The following SRBD1 variants were observed in gnomAD, a reference collection of about 807,000 sequenced individuals.
SRBD1 encodes the protein S1 RNA binding domain 1, also known as S1 RNA-binding domain-containing protein 1.
In SRBD1, 88 loss-of-function variants were observed where a neutral mutation model predicts 115.3. The ratio of observed to expected loss-of-function variants is 0.76; its 90% CI spans 0.64 to 0.91. SRBD1 has a LOEUF of 0.91. Among genes scored for constraint, SRBD1 ranks in the 40% least tolerant of loss-of-function variants. The pLI is 0.00. For synonymous variants in SRBD1, 509 were observed against 407.7 expected, an observed-to-expected ratio of 1.25 and a Z score of -2.99; for missense variants, 1,385 against 1,177.4, an observed-to-expected ratio of 1.18 and a Z score of -2.58.
intron 16 of SRBD1, among the ~76,000 whole-genome samples, chr2:45,464,837 AAAGT>A (rs889785127): frequency 3.9e-5 from 6 of 152,222 alleles, no homozygotes; most frequent in African/African-American, 1.4e-4. Context: ...AAAAGTATAA[AAAGT>A]AAGTTGTATG....
At chr2:45,416,387 C>T (rs1293772591) in intron 18 of SRBD1, among the ~76,000 whole-genome samples, 1 of 152,122 alleles carries the variant, frequency 6.6e-6, no homozygotes, top group Non-Finnish European at 1.5e-5. Flanking sequence ...ATGTAACAGT[C>T]ACAAATCTTC....
At chr2:45,410,230 C>A (rs1269436630) in intron 19 of SRBD1, among the ~76,000 whole-genome samples, 1 of 152,134 alleles carries the variant, frequency 6.6e-6, no homozygotes, top group East Asian at 1.9e-4. Context: ...TAAAAACAAC[C>A]ATCACCACCT....
chr2:45,601,776 G>A lies in SRBD1; in HGVS notation c.261+127C>T, dbSNP rs1414720477. 5.6e-6 allele frequency: 7 copies of A among 1,242,318 alleles called. No individual in the cohort carries two copies. In the African/African-American group the frequency reaches 9.0e-5, roughly 16 times the overall value. 77.0% of individuals were successfully genotyped at this position (1,242,318 alleles called of 1,614,324 possible). On this transcript the variant is annotated intron_variant, in intron 3 of 20. Coordinates refer to ENST00000263736, the MANE Select transcript of SRBD1 (RefSeq NM_018079.5). ...TACAGACCCAAAAATTAAGACCCAG[G>A]GTAGGGGATGCCATTGCTGGCAGTT...
chr2:45,423,654 A>C (rs1384269566), intron 16 of SRBD1, among the ~76,000 whole-genome samples: 5 of 152,134 alleles, frequency 3.3e-5, no homozygotes, highest in Non-Finnish European at 7.4e-5. Context: ...AAACTCTTTA[A>C]AAAAACAGAA....
rs562213527 is a variant in SRBD1, at chr2:45,602,111, C to A, written c.81-28G>T. 118 of 1,569,918 alleles carry A rather than the reference C, an allele frequency of 7.5e-5. 1 individual carries two copies. In the South Asian group the frequency reaches 1.3e-3, roughly 17 times the overall value. ...AGAAGTAAATCAACAGAATAATCTCCAGGAAAAATAAAAGCAAATGTCAAA... is the reference window on the plus strand; with the variant it reads ...AGAAGTAAATCAACAGAATAATCTCAAGGAAAAATAAAAGCAAATGTCAAA... On this transcript the variant is annotated intron_variant, in intron 2 of 20. Transcript: ENST00000263736.
intron 7 of SRBD1, among the ~76,000 whole-genome samples, chr2:45,577,489 C>T (rs1043438623): frequency 6.6e-6 from 1 of 152,190 alleles, no homozygotes; most frequent in Non-Finnish European, 1.5e-5. Flanking sequence ...TTTTCACTTT[C>T]TCCGCACTTA....
At chr2:45,526,873 A>G (rs1417865093) in intron 14 of SRBD1, among the ~76,000 whole-genome samples, 4 of 151,906 alleles carry the variant, frequency 2.6e-5, no homozygotes, top group African/African-American at 9.7e-5. Context: ...TTATTAACAC[A>G]AAACTCAAGA....
intron 20 of SRBD1, among the ~76,000 whole-genome samples, chr2:45,390,066 G>A (rs1302604660): frequency 6.6e-6 from 1 of 152,110 alleles, no homozygotes; most frequent in Non-Finnish European, 1.5e-5. Context: ...TTGGCCAAAT[G>A]TGGATGAAAT....
In SRBD1 at chr2:45,571,517, C is replaced by CAAAAAAAAAAAAAAAAAAAAA. The variant is rs58100763; in HGVS notation, c.1305+1669_1305+1689dup. On this transcript the variant is annotated intron_variant, in intron 9 of 20. Transcript: ENST00000263736. ...AAAATACAACATATCCAGACTTTAC[C>CAAAAAAAAAAAAAAAAAAAAA]AAAAAAAAAAAAAAAAAAAAAAAAA... Among the ~76,000 whole-genome samples the CAAAAAAAAAAAAAAAAAAAAA allele has an allele frequency of 1.8e-3, 72 of 39,406 alleles. 7 individuals carry two copies. The highest frequency in any genetic ancestry group is 3.3e-3 in the African/African-American group (37 of 11,164). The allele number at this position is 39,406 out of a possible 152,430, so 25.9% of individuals were successfully genotyped here.
intron 2 of SRBD1, among the ~76,000 whole-genome samples, chr2:45,604,504 T>G (rs889522204): frequency 6.6e-6 from 1 of 152,072 alleles, no homozygotes; most frequent in Non-Finnish European, 1.5e-5. Flanking sequence ...TAGATCCAGA[T>G]CCTACTCATT....
chr2:45,392,577 T>C (rs941696471), intron 20 of SRBD1, among the ~76,000 whole-genome samples: 2 of 152,254 alleles, frequency 1.3e-5, no homozygotes, highest in African/African-American at 4.8e-5. Flanking sequence ...AAGATTCACC[T>C]TTTAGCTTGT....
At chr2:45,468,555 T>G (rs1367220133) in intron 16 of SRBD1, among the ~76,000 whole-genome samples, 1 of 152,024 alleles carries the variant, frequency 6.6e-6, no homozygotes, top group Non-Finnish European at 1.5e-5. Context: ...GCTCAGCTAA[T>G]TGTTTTACTT....
intron 14 of SRBD1, among the ~76,000 whole-genome samples, chr2:45,526,263 T>A (rs980333812): frequency 2.4e-4 from 37 of 152,194 alleles, no homozygotes; most frequent in African/African-American, 8.7e-4. Context: ...TGGAATATTA[T>A]TCGGCCATAA....
At chr2:45,549,677 T>C (rs1401078787) in intron 12 of SRBD1, among the ~76,000 whole-genome samples, 2 of 116,300 alleles carry the variant, frequency 1.7e-5, no homozygotes, top group African/African-American at 3.4e-5. Context: ...ATGACGAAAC[T>C]CCGTCTCTAC....
intron 16 of SRBD1, among the ~76,000 whole-genome samples, chr2:45,433,155 C>T (rs1431460752): frequency 6.6e-6 from 1 of 152,092 alleles, no homozygotes; most frequent in Non-Finnish European, 1.5e-5. Context: ...CCCCTTAGTA[C>T]TGCCAAAATA....
chr2:45,405,036 T>G (rs971429653), intron 19 of SRBD1, among the ~76,000 whole-genome samples: 7 of 152,140 alleles, frequency 4.6e-5, no homozygotes, highest in African/African-American at 1.7e-4. Flanking sequence ...ACTACCCTAC[T>G]TAAATTTTCA....
chr2:45,586,069 T>C (rs555265920), intron 4 of SRBD1, among the ~76,000 whole-genome samples: 7 of 152,258 alleles, frequency 4.6e-5, no homozygotes, highest in Non-Finnish European at 8.8e-5. Flanking sequence ...ATCTCTCATA[T>C]TGGTAGCAAA....
chr2:45,609,538 C>A (rs575996044), intron 1 of SRBD1, among the ~76,000 whole-genome samples: 1 of 152,320 alleles, frequency 6.6e-6, no homozygotes, highest in East Asian at 1.9e-4. Context: ...CACTTAGAAT[C>A]AAGCCACATT....
chr2:45,446,262 C>G (rs774614976), intron 16 of SRBD1, among the ~76,000 whole-genome samples: 12 of 152,124 alleles, frequency 7.9e-5, no homozygotes, highest in Non-Finnish European at 1.2e-4. Flanking sequence ...CTAATCAATC[C>G]TGATAGAAAG....
Sources: allele counts gnomAD v4.1 joint callset (sites outside exome capture counted in the v4.1 genomes callset), GRCh38; gene constraint gnomAD v4.1.1; transcripts MANE v1.5; gene names NCBI Gene and HGNC (gene_info 2026-07-23, HGNC 2026-07-21).